Variants in NOS1AP observed in about 807,000 individuals in gnomAD.
NOS1AP encodes nitric oxide synthase 1 adaptor protein.
NOS1AP carries 21 observed loss-of-function variants against 56.2 expected under a neutral mutation model. The ratio of observed to expected loss-of-function variants is 0.37; its 90% CI spans 0.26 to 0.54. The LOEUF (loss-of-function observed/expected upper bound fraction) is 0.54. Among genes scored for constraint, NOS1AP ranks in the 20% least tolerant of loss-of-function variants. NOS1AP has a pLI of 0.84. For missense variants in NOS1AP, 522 were observed against 657.8 expected, an observed-to-expected ratio of 0.79 and a Z score of 2.26; for synonymous variants, 270 against 274.6, an observed-to-expected ratio of 0.98 and a Z score of 0.17.
intron 1 of NOS1AP, among the ~76,000 whole-genome samples, chr1:162,148,634 A>C (rs1281823366): frequency 6.6e-6 from 1 of 152,226 alleles, no homozygotes; most frequent in Non-Finnish European, 1.5e-5. Context: ...CCATGTGGCT[A>C]TGTAGGCCAT....
chr1:162,298,078 C>G (rs765268778), intron 3 of NOS1AP, among the ~76,000 whole-genome samples: 3 of 152,226 alleles, frequency 2.0e-5, no homozygotes, highest in Non-Finnish European at 4.4e-5. Context: ...TCCACAATAA[C>G]CACTCTCTTC....
intron 2 of NOS1AP, among the ~76,000 whole-genome samples, chr1:162,196,306 G>A (rs1651804185): frequency 6.6e-6 from 1 of 152,142 alleles, no homozygotes; most frequent in African/African-American, 2.4e-5. Flanking sequence ...CCATTTAGTG[G>A]GTTTTATTCA....
chr1:162,307,919 A>G (rs1415740218), intron 4 of NOS1AP, among the ~76,000 whole-genome samples: 1 of 152,202 alleles, frequency 6.6e-6, no homozygotes, highest in East Asian at 1.9e-4. Flanking sequence ...AGGGCTAACT[A>G]GAGAAGGGAA....
intron 2 of NOS1AP, among the ~76,000 whole-genome samples, chr1:162,181,602 A>C (rs1377508279): frequency 2.0e-5 from 3 of 152,188 alleles, no homozygotes; most frequent in Non-Finnish European, 4.4e-5. Flanking sequence ...TTCTAGTACC[A>C]GCTGCCCCCT....
At chr1:162,246,920 A>G (rs143569652) in intron 2 of NOS1AP, among the ~76,000 whole-genome samples, 13 of 152,236 alleles carry the variant, frequency 8.5e-5, no homozygotes, top group African/African-American at 3.1e-4. Flanking sequence ...GTTGGGTAAA[A>G]CTGTAGGAAT....
chr1:162,093,685 G>T (rs1044026283), intron 1 of NOS1AP, among the ~76,000 whole-genome samples: 37 of 151,882 alleles, frequency 2.4e-4, no homozygotes, highest in African/African-American at 8.9e-4. Flanking sequence ...CTCCTGAATA[G>T]CTGGGACCAC....
intron 2 of NOS1AP, among the ~76,000 whole-genome samples, chr1:162,240,769 A>G (rs1653466126): frequency 6.6e-6 from 1 of 152,248 alleles, no homozygotes; most frequent in African/African-American, 2.4e-5. Flanking sequence ...ACAAATATTT[A>G]CTGAGCACCT....
At chr1:162,132,989 C>T (rs933746717) in intron 1 of NOS1AP, among the ~76,000 whole-genome samples, 6 of 152,116 alleles carry the variant, frequency 3.9e-5, no homozygotes, top group East Asian at 3.8e-4. Context: ...TTTGACTTGG[C>T]GCCTAATGGA....
At chr1:162,210,194 A>G (rs1028580536) in intron 2 of NOS1AP, among the ~76,000 whole-genome samples, 28 of 152,058 alleles carry the variant, frequency 1.8e-4, no homozygotes, top group Admixed American at 9.8e-4. Context: ...TTCAGCAACA[A>G]CTTTGCAGTG....
chr1:162,310,486 C>T (rs931348531), intron 4 of NOS1AP, among the ~76,000 whole-genome samples: 6 of 152,214 alleles, frequency 3.9e-5, no homozygotes, highest in Admixed American at 2.6e-4. Context: ...GCCCATCTGG[C>T]GGATATGAGT....
intron 5 of NOS1AP, among the ~76,000 whole-genome samples, chr1:162,337,570 A>G (rs1402500967): frequency 6.6e-6 from 1 of 152,214 alleles, no homozygotes. Context: ...CTCTTTGTGG[A>G]TGAGAAAATC....
intron 1 of NOS1AP, among the ~76,000 whole-genome samples, chr1:162,109,133 A>G (rs1647619782): frequency 6.6e-6 from 1 of 152,138 alleles, no homozygotes; most frequent in Non-Finnish European, 1.5e-5. Flanking sequence ...GGAGGAGACC[A>G]CCCCTATGAT....
chr1:162,240,172 G>C (rs1342983894), intron 2 of NOS1AP, among the ~76,000 whole-genome samples: 2 of 152,054 alleles, frequency 1.3e-5, no homozygotes, highest in Non-Finnish European at 1.5e-5. Context: ...ACAACTGCCA[G>C]CTGACTGAAC....
At chr1:162,238,953 G>A (rs530303531) in intron 2 of NOS1AP, among the ~76,000 whole-genome samples, 6 of 152,318 alleles carry the variant, frequency 3.9e-5, no homozygotes, top group South Asian at 4.1e-4. Context: ...TGTTATTTAT[G>A]TAAGGAAGAG....
At chr1:162,181,684 T>C (rs573162520) in intron 2 of NOS1AP, among the ~76,000 whole-genome samples, 2 of 152,350 alleles carry the variant, frequency 1.3e-5, no homozygotes, top group South Asian at 4.1e-4. Flanking sequence ...GAGTGGATGC[T>C]TCCTGATGGC....
At chr1:162,217,334 G>T (rs1386663556) in intron 2 of NOS1AP, among the ~76,000 whole-genome samples, 1 of 129,952 alleles carries the variant, frequency 7.7e-6, no homozygotes. Context: ...CACGATCTCG[G>T]CTCACTGCCA....
chr1:162,229,107 CT>C (rs369250224), intron 2 of NOS1AP, among the ~76,000 whole-genome samples: 97 of 152,316 alleles, frequency 6.4e-4, no homozygotes, highest in African/African-American at 2.2e-3. Context: ...AAGTTGGAGT[CT>C]GGGGCCATGA....
chr1:162,264,088 A>C (rs1259572732), intron 2 of NOS1AP, among the ~76,000 whole-genome samples: 3 of 152,166 alleles, frequency 2.0e-5, no homozygotes, highest in Non-Finnish European at 4.4e-5. Context: ...CCTGTTTTTC[A>C]TACTGTGACC....
In NOS1AP at chr1:162,188,829, G is replaced by A. The variant is rs1651526451; in HGVS notation, c.177+34353G>A. Among the ~76,000 whole-genome samples, 2 of 152,144 alleles carry A rather than the reference G, an allele frequency of 1.3e-5. No individual in the cohort carries two copies. The highest frequency in any genetic ancestry group is 2.1e-4 in the South Asian group (1 of 4,824). ...AGCACTTTCGGAGGCCGAGGCGGGC[G>A]GATCACGAGATCAGGAGTTCGAGAC... On this transcript the variant is annotated intron_variant, in intron 2 of 9. Transcript: ENST00000361897. This position sits in a 1 kb window ranked among gnomAD's most constrained non-coding sequence, Gnocchi z 4.0.
Sources: gnomAD v4.1 joint callset for allele counts (sites outside exome capture counted in the v4.1 genomes callset) on GRCh38, gnomAD v4.1.1 for gene constraint, Gnocchi (gnomAD v3.1) non-coding constraint, MANE v1.5 for transcripts, NCBI Gene and HGNC (gene_info 2026-07-23, HGNC 2026-07-21) for gene names.